The following SGCZ variants were observed in gnomAD, a reference collection of about 807,000 sequenced individuals.
SGCZ encodes sarcoglycan zeta, also known as zeta-sarcoglycan.
SGCZ carries 40 observed loss-of-function variants against 41.3 expected under a neutral mutation model. The ratio of observed to expected loss-of-function variants is 0.97; its 90% CI spans 0.75 to 1.26. The LOEUF (loss-of-function observed/expected upper bound fraction) is 1.26. Among genes scored for constraint, SGCZ ranks in the 50% most tolerant of loss-of-function variants. SGCZ has a pLI of 0.00. For missense variants in SGCZ, 552 were observed against 369.8 expected, an observed-to-expected ratio of 1.49 and a Z score of -4.04; for synonymous variants, 206 against 137.5, an observed-to-expected ratio of 1.50 and a Z score of -3.49.
intron 1 of SGCZ, among the ~76,000 whole-genome samples, chr8:14,671,261 AT>A (rs1808092574): frequency 6.6e-6 from 1 of 152,214 alleles, no homozygotes; most frequent in Non-Finnish European, 1.5e-5. Flanking sequence ...GTATCTTTTT[AT>A]GACCTCTACT....
At chr8:15,124,072 A>C (rs1807586860) in intron 1 of SGCZ, among the ~76,000 whole-genome samples, 1 of 152,186 alleles carries the variant, frequency 6.6e-6, no homozygotes. Context: ...TAAGTATGGA[A>C]AAATCTTCAT....
intron 1 of SGCZ, among the ~76,000 whole-genome samples, chr8:14,696,873 C>A (rs2117585881): frequency 6.6e-6 from 1 of 151,994 alleles, no homozygotes; most frequent in South Asian, 2.1e-4. Context: ...CTGGAATATA[C>A]TTTTAAAGTC....
At chr8:14,286,056 T>C (rs1366364480) in intron 3 of SGCZ, among the ~76,000 whole-genome samples, 1 of 151,628 alleles carries the variant, frequency 6.6e-6, no homozygotes, top group African/African-American at 2.4e-5. Flanking sequence ...GGCTTAGTTT[T>C]ATGCTAATGC....
intron 3 of SGCZ, among the ~76,000 whole-genome samples, chr8:14,259,318 G>C (rs769430503): frequency 6.6e-5 from 10 of 152,022 alleles, no homozygotes; most frequent in Non-Finnish European, 1.2e-4. Context: ...AGTTTAATTA[G>C]ATCCCATTTG....
chr8:14,575,424 T>C (rs1264104204), intron 1 of SGCZ, among the ~76,000 whole-genome samples: 1 of 152,234 alleles, frequency 6.6e-6, no homozygotes, highest in Non-Finnish European at 1.5e-5. Context: ...AAAATAGCTG[T>C]TAAAGTGAAA....
At chr8:15,220,144 A>G (rs1801543725) in intron 1 of SGCZ, among the ~76,000 whole-genome samples, 1 of 152,206 alleles carries the variant, frequency 6.6e-6, no homozygotes, top group African/African-American at 2.4e-5. Flanking sequence ...AATAATAGAA[A>G]AAAAGCACTT....
intron 1 of SGCZ, among the ~76,000 whole-genome samples, chr8:14,731,562 T>G (rs1810240363): frequency 1.3e-5 from 2 of 152,220 alleles, no homozygotes; most frequent in African/African-American, 4.8e-5. Context: ...AAAGAATGCG[T>G]GCCTGTTTAA....
At chr8:14,575,750 C>CA (rs1280473938) in intron 1 of SGCZ, among the ~76,000 whole-genome samples, 1 of 151,450 alleles carries the variant, frequency 6.6e-6, no homozygotes, top group Admixed American at 6.6e-5. Flanking sequence ...CTACTAAATG[C>CA]AAAAAACTGG....
chr8:14,707,146 T>C (rs921967833), intron 1 of SGCZ, among the ~76,000 whole-genome samples: 1 of 151,846 alleles, frequency 6.6e-6, no homozygotes, highest in Non-Finnish European at 1.5e-5. Context: ...TAACTCGTTA[T>C]GGCATTACCT....
intron 1 of SGCZ, among the ~76,000 whole-genome samples, chr8:14,869,436 T>C (rs893931001): frequency 6.6e-6 from 1 of 152,126 alleles, no homozygotes; most frequent in African/African-American, 2.4e-5. Flanking sequence ...ATGGAACATA[T>C]CTCAAAATAA....
chr8:15,139,744 C>A (rs1808251986), intron 1 of SGCZ, among the ~76,000 whole-genome samples: 1 of 151,930 alleles, frequency 6.6e-6, no homozygotes, highest in South Asian at 2.1e-4. Flanking sequence ...TCTACTACTT[C>A]AGGTCCTCAG....
chr8:14,976,513 G>A (rs1801484693), intron 1 of SGCZ, among the ~76,000 whole-genome samples: 3 of 151,744 alleles, frequency 2.0e-5, no homozygotes. Flanking sequence ...TTGCTTTGTT[G>A]CTTATAAATA....
intron 3 of SGCZ, among the ~76,000 whole-genome samples, chr8:14,307,934 T>C (rs1801399007): frequency 6.6e-6 from 1 of 152,082 alleles, no homozygotes; most frequent in African/African-American, 2.4e-5. Flanking sequence ...CTTAAAACGG[T>C]AGTCAGTTTT....
chr8:14,506,361 T>C (rs1159406087), intron 2 of SGCZ, among the ~76,000 whole-genome samples: 2 of 152,142 alleles, frequency 1.3e-5, no homozygotes, highest in Admixed American at 1.3e-4. Flanking sequence ...CGTTTCCTCT[T>C]AGCCACTCAA....
intron 1 of SGCZ, among the ~76,000 whole-genome samples, chr8:14,809,101 G>GGGT (rs1430177526): frequency 6.6e-6 from 1 of 150,682 alleles, no homozygotes; most frequent in East Asian, 2.0e-4. Context: ...GAGGGGGGAG[G>GGGT]GATAGCATTG....
intron 1 of SGCZ, among the ~76,000 whole-genome samples, chr8:14,619,505 C>T (rs574208326): frequency 1.3e-5 from 2 of 152,282 alleles, no homozygotes; most frequent in African/African-American, 2.4e-5. Flanking sequence ...CAAACTGTCC[C>T]TGTCTGCAGA....
intron 1 of SGCZ, among the ~76,000 whole-genome samples, chr8:14,561,415 A>G (rs927270605): frequency 6.6e-6 from 1 of 152,174 alleles, no homozygotes; most frequent in Non-Finnish European, 1.5e-5. Flanking sequence ...CTGAGAGACA[A>G]TATCATAGTA....
rs879288173 is a variant in SGCZ, at chr8:14,511,116, A to ATG, written c.234+43615_234+43616insCA. On this transcript the variant is annotated intron_variant, in intron 2 of 7. Transcript: ENST00000382080. ...TTATGTGTCACAAATGGTGCTGTCAAGTACCCTTACTTGAGGACTAGTAAT... is the reference window on the plus strand; with the variant it reads ...TTATGTGTCACAAATGGTGCTGTCAATGGTACCCTTACTTGAGGACTAGTAAT... 3.3e-3 allele frequency among the ~76,000 whole-genome samples: 506 copies of ATG among 152,162 alleles called. 1 individual carries two copies. The highest frequency in any genetic ancestry group is 6.8e-3 in the Admixed American group (104 of 15,250).
intron 1 of SGCZ, among the ~76,000 whole-genome samples, chr8:14,880,356 G>C (rs1044449885): frequency 6.6e-6 from 1 of 152,168 alleles, no homozygotes; most frequent in South Asian, 2.1e-4. Flanking sequence ...CTGTTGGTGG[G>C]ACTGTAAACT....
Sources: gnomAD v4.1 joint callset for allele counts (sites outside exome capture counted in the v4.1 genomes callset) on GRCh38, gnomAD v4.1.1 for gene constraint, MANE v1.5 for transcripts, NCBI Gene and HGNC (gene_info 2026-07-23, HGNC 2026-07-21) for gene names.